Variants in STARD9 observed in about 807,000 individuals in gnomAD.
STARD9 encodes StAR related lipid transfer domain containing 9.
Under a neutral mutation model 399.8 loss-of-function variants are expected in STARD9, and 346 were observed. The observed-to-expected ratio is 0.87, with a 90% CI of 0.79 to 0.95. STARD9 has a LOEUF of 0.95. Among genes scored for constraint, STARD9 ranks in the 40% least tolerant of loss-of-function variants. The probability of loss-of-function intolerance (pLI) is 0.00; values close to 1 mark genes in which losing one functional copy is unlikely to be tolerated. For synonymous variants in STARD9, 2,203 were observed against 2,143.5 expected, an observed-to-expected ratio of 1.03 and a Z score of -0.77; for missense variants, 5,832 against 5,667.5, an observed-to-expected ratio of 1.03 and a Z score of -0.93.
intron 9 of STARD9, among the ~76,000 whole-genome samples, chr15:42,658,645 G>A (rs1413133273): frequency 1.3e-5 from 2 of 151,524 alleles, no homozygotes; most frequent in Non-Finnish European, 2.9e-5. Flanking sequence ...ACCATGCCTG[G>A]CTAATTTTTG....
At chr15:42,708,495 A>T (rs2061138144) in intron 26 of STARD9, among the ~76,000 whole-genome samples, 1 of 152,126 alleles carries the variant, frequency 6.6e-6, no homozygotes, top group African/African-American at 2.4e-5. Context: ...CCACAGAAAA[A>T]GTTTTGCCAG....
intron 3 of STARD9, among the ~76,000 whole-genome samples, chr15:42,616,597 A>G (rs1206584272): frequency 3.3e-5 from 5 of 152,140 alleles, no homozygotes; most frequent in Non-Finnish European, 7.3e-5. Flanking sequence ...TTCTCATAGG[A>G]AAGTTAGAGA....
At chr15:42,704,600 A>G (rs757253605) in intron 26 of STARD9, among the ~76,000 whole-genome samples, 1 of 152,138 alleles carries the variant, frequency 6.6e-6, no homozygotes, top group Non-Finnish European at 1.5e-5. Context: ...CTGTAAGCCT[A>G]TGTAGCTGGG....
At chr15:42,623,651 T>C (rs2059136947) in intron 3 of STARD9, among the ~76,000 whole-genome samples, 1 of 152,272 alleles carries the variant, frequency 6.6e-6, no homozygotes, top group South Asian at 2.1e-4. Flanking sequence ...CATTTGGCTT[T>C]GTTCGTGTTT....
In STARD9 at chr15:42,632,807, A is replaced by C. The variant is rs1161739476; in HGVS notation, c.235-2049A>C. On this transcript the variant is annotated intron_variant, in intron 3 of 32. Coordinates refer to ENST00000290607, the MANE Select transcript of STARD9 (RefSeq NM_020759.3). ...CAGTAAGCTATGACTGTGCCACTGC[A>C]CTTCAGCCTAGCTGACAGGATAAGA... is the stretch of plus-strand genomic sequence containing the variant. Among the ~76,000 whole-genome samples, 3 of 152,156 alleles carry C rather than the reference A, an allele frequency of 2.0e-5. No individual in the cohort carries two copies. The East Asian group carries it at 5.8e-4, about 29-fold the overall frequency.
chr15:42,706,776 A>G (rs1178781057), intron 26 of STARD9, among the ~76,000 whole-genome samples: 1 of 152,070 alleles, frequency 6.6e-6, no homozygotes, highest in African/African-American at 2.4e-5. Context: ...GCTGAGATAG[A>G]TATATTTTTG....
rs567978420 is a variant in STARD9, at chr15:42,693,785, A to G, written c.12207A>G (p.Pro4069=). Residue 4069 remains proline, a synonymous_variant, in exon 23 of 33, where the codon CCA becomes CCG. Transcript: ENST00000290607. ...GGESSASPGE[P]QRTLDRPSSW... is the part of the protein sequence containing the mutation. The stretch of plus-strand genomic sequence containing the variant: ...AGAGTTCAGCATCTCCAGGGGAACC[A>G]CAACGCACTCTGGACCGACCTTCTT... 1.3e-6 allele frequency: 2 copies of G among 1,536,378 alleles called. No homozygotes were observed. Among genetic ancestry groups the G allele is most frequent in the East Asian group, 2.4e-5 (1 of 40,906 alleles).
In STARD9 at chr15:42,685,246, T is replaced by A; in HGVS notation, c.3668T>A (p.Phe1223Tyr). The A allele has an allele frequency of 3.3e-6, 5 of 1,537,310 alleles. No homozygotes were observed. The highest frequency in any genetic ancestry group is 3.5e-6 in the Non-Finnish European group (4 of 1,146,918). Residue 1223 changes from phenylalanine to tyrosine, a missense_variant, in exon 23 of 33, where the codon TTC becomes TAC. Physicochemically the swap from Phe to Tyr is conservative, Grantham distance 22. Coordinates refer to ENST00000290607, the MANE Select transcript of STARD9 (RefSeq NM_020759.3). Reference sequence around the variant, plus strand: ...GGGGAAGATCAGCAAGAAGAACCTTTCCCTGGTTCAGCTGACGAGATACCC... The same window carrying A: ...GGGGAAGATCAGCAAGAAGAACCTTACCCTGGTTCAGCTGACGAGATACCC... Reference protein sequence around the residue: ...ELGEDQQEEPFPGSADEIPTE... With the variant: ...ELGEDQQEEPYPGSADEIPTE...
At chr15:42,591,380 C>T (rs2058389508) in intron 3 of STARD9, among the ~76,000 whole-genome samples, 1 of 151,804 alleles carries the variant, frequency 6.6e-6, no homozygotes, top group Non-Finnish European at 1.5e-5. Context: ...CCGAGCTACT[C>T]GGGAGGCTGA....
At chr15:42,616,651 G>C (rs182535861) in intron 3 of STARD9, among the ~76,000 whole-genome samples, 33 of 152,174 alleles carry the variant, frequency 2.2e-4, no homozygotes, top group Non-Finnish European at 4.1e-4. Flanking sequence ...CAGCACTTTG[G>C]GGGGCTGAGG....
chr15:42,694,758 G>C, intron 24 of STARD9, 33 bp downstream of exon 24: 1 of 1,525,604 alleles, frequency 6.6e-7, no homozygotes, highest in East Asian at 2.4e-5. Flanking sequence ...CTGGGAGCAG[G>C]CTCTGTTGGG....
chr15:42,680,338 G>T (rs1016011067), intron 20 of STARD9, among the ~76,000 whole-genome samples: 1 of 152,154 alleles, frequency 6.6e-6, no homozygotes, highest in South Asian at 2.1e-4. Context: ...GGTGGCTCAT[G>T]CCTGTAGTCC....
chr15:42,587,948 C>T (rs1401785116), intron 3 of STARD9, among the ~76,000 whole-genome samples: 1 of 152,104 alleles, frequency 6.6e-6, no homozygotes, highest in Non-Finnish European at 1.5e-5. Flanking sequence ...TGAGCTCCTC[C>T]AAGAAGAACC....
At chr15:42,695,706 C>T (rs938862009) in intron 25 of STARD9, 37 bp from the exon 26 acceptor site, 34 of 1,523,962 alleles carry the variant, frequency 2.2e-5, no homozygotes, top group Middle Eastern at 1.7e-4. Flanking sequence ...AGTGAGGGTG[C>T]ATCAGAAGCT....
rs1415993727 is a variant in STARD9, at chr15:42,716,706, T to C, written c.13314T>C (p.Asp4438=). 2.0e-6 allele frequency: 3 copies of C among 1,536,838 alleles called. No homozygotes were observed. Among genetic ancestry groups the C allele is most frequent in the Non-Finnish European group, 2.6e-6 (3 of 1,146,560 alleles). The change falls in exon 27 of 33, where the codon GAT becomes GAC. Residue 4438 remains aspartate (D), a synonymous_variant. Transcript: ENST00000290607. ...MGHTNLPDSR[D]VWIGDERGGH... The stretch of plus-strand genomic sequence containing the variant: ...ATACAAACTTGCCTGATTCCAGGGA[T>C]GTATGGATAGGGGATGAGCGAGGAG...
chr15:42,603,177 T>C (rs1307510505), intron 3 of STARD9, among the ~76,000 whole-genome samples: 1 of 152,206 alleles, frequency 6.6e-6, no homozygotes, highest in African/African-American at 2.4e-5. Context: ...TTTATTTATT[T>C]ATTTATTTAT....
At chr15:42,683,601 CTT>C (rs1227363016) in intron 22 of STARD9, among the ~76,000 whole-genome samples, 1 of 152,088 alleles carries the variant, frequency 6.6e-6, no homozygotes, top group Non-Finnish European at 1.5e-5. Context: ...TTTTCTCTCT[CTT>C]TTTTCTCTAA....
chr15:42,706,032 C>T (rs187367648), intron 26 of STARD9, among the ~76,000 whole-genome samples: 199 of 152,302 alleles, frequency 1.3e-3, no homozygotes, highest in African/African-American at 4.3e-3. Context: ...GGATTACAGG[C>T]GTGAGCCACC....
At position 42,699,555 on chromosome 15, in the gene STARD9, A is replaced by G. The variant is rs890256089; in HGVS notation, c.13284+3675A>G. The stretch of plus-strand genomic sequence containing the variant: ...ACTACAGGTGCCCGCCACCACGCCC[A>G]GCTAATTTTTTGTGTTTTTAGTAGA... On this transcript the variant is annotated intron_variant, in intron 26 of 32. Coordinates refer to ENST00000290607, the MANE Select transcript of STARD9 (RefSeq NM_020759.3). Among the ~76,000 whole-genome samples the G allele has an allele frequency of 8.6e-5, 13 of 151,064 alleles. No individual in the cohort carries two copies. The East Asian group carries it at 1.4e-3, about 16-fold the overall frequency.
Sources: gnomAD v4.1 joint callset for allele counts (sites outside exome capture counted in the v4.1 genomes callset) on GRCh38, gnomAD v4.1.1 for gene constraint, MANE v1.5 for transcripts, NCBI Gene and HGNC (gene_info 2026-07-23, HGNC 2026-07-21) for gene names.